Variants in TPD52L1 observed in about 807,000 individuals in gnomAD.
TPD52L1 encodes the protein tumor protein D53.
Under a neutral mutation model 28.7 loss-of-function variants are expected in TPD52L1, and 18 were observed. The observed-to-expected ratio is 0.63, with a 90% CI of 0.43 to 0.93. TPD52L1 has a LOEUF of 0.93. Ranked by LOEUF, TPD52L1 falls within the 40% of genes least tolerant of loss-of-function variation. TPD52L1 has a pLI of 0.00. For synonymous variants in TPD52L1, 75 were observed against 88.8 expected, an observed-to-expected ratio of 0.84 and a Z score of 0.88; for missense variants, 203 against 254.8, an observed-to-expected ratio of 0.80 and a Z score of 1.39.
intron 1 of TPD52L1, among the ~76,000 whole-genome samples, chr6:125,173,808 C>A (rs961602749): frequency 6.6e-6 from 1 of 152,104 alleles, no homozygotes; most frequent in Admixed American, 6.6e-5. Context: ...GATGCTGATA[C>A]TTCTCGTTTA....
intron 1 of TPD52L1, among the ~76,000 whole-genome samples, chr6:125,196,187 G>A (rs987562051): frequency 2.6e-4 from 40 of 152,232 alleles, no homozygotes; most frequent in African/African-American, 8.7e-4. Context: ...AAAGACTCAG[G>A]AAAACAAGGA....
intron 1 of TPD52L1, among the ~76,000 whole-genome samples, chr6:125,197,625 CAA>C (rs921560443): frequency 6.6e-6 from 1 of 151,898 alleles, no homozygotes; most frequent in African/African-American, 2.4e-5. Flanking sequence ...TTTTTTTAAG[CAA>C]AGTCTATTTT....
intron 1 of TPD52L1, among the ~76,000 whole-genome samples, chr6:125,181,794 T>A (rs1792212557): frequency 6.6e-6 from 1 of 152,208 alleles, no homozygotes; most frequent in Non-Finnish European, 1.5e-5. Context: ...TCTTTGGACA[T>A]ATTGTCTTCT....
At chr6:125,248,496 T>A (rs1797056423) in intron 4 of TPD52L1, 113 bp downstream of exon 4, 1 of 713,498 alleles carries the variant, frequency 1.4e-6, no homozygotes. Context: ...TTTTAATGGA[T>A]AAAAATGTTA....
chr6:125,171,351 C>G (rs1791287560), intron 1 of TPD52L1, among the ~76,000 whole-genome samples: 1 of 152,150 alleles, frequency 6.6e-6, no homozygotes, highest in African/African-American at 2.4e-5. Context: ...CCAGTGATTT[C>G]CAGCTTCTGT....
At chr6:125,239,529 A>G (rs1027781161) in intron 3 of TPD52L1, among the ~76,000 whole-genome samples, 2 of 152,174 alleles carry the variant, frequency 1.3e-5, no homozygotes, top group Admixed American at 6.6e-5. Flanking sequence ...CCACAAAAAT[A>G]GTATGTGGGA....
chr6:125,171,385 C>T (rs1018666256), intron 1 of TPD52L1, among the ~76,000 whole-genome samples: 1 of 152,110 alleles, frequency 6.6e-6, no homozygotes, highest in Admixed American at 6.6e-5. Context: ...GTATAATTTC[C>T]CTAGTTAGAG....
chr6:125,258,598 G>A (rs1393760516), intron 6 of TPD52L1, among the ~76,000 whole-genome samples: 1 of 152,144 alleles, frequency 6.6e-6, no homozygotes, highest in African/African-American at 2.4e-5. Context: ...AAGGAGATAT[G>A]AAGAAGCAAA....
At chr6:125,216,041 G>T (rs567698799) in intron 1 of TPD52L1, among the ~76,000 whole-genome samples, 5 of 152,256 alleles carry the variant, frequency 3.3e-5, no homozygotes, top group Admixed American at 3.3e-4. Flanking sequence ...TGCAGGGGTG[G>T]GGTGGAGCTT....
In TPD52L1 at chr6:125,229,096, C is replaced by T. The variant is rs752618944; in HGVS notation, c.136-22C>T. 3 of 1,606,206 alleles carry T rather than the reference C, an allele frequency of 1.9e-6. No individual in the cohort carries two copies. In the African/African-American group the frequency reaches 4.0e-5, roughly 22 times the overall value. On this transcript the variant is annotated intron_variant, in intron 2 of 6. Transcript: ENST00000534000. ...TTTGCTGGTCTGACATTTTCCCCCA[C>T]CATTTCCCCTCCGCCTTGTAGCTAG...
intron 2 of TPD52L1, among the ~76,000 whole-genome samples, chr6:125,227,812 G>A (rs1036107679): frequency 6.6e-6 from 1 of 152,166 alleles, no homozygotes; most frequent in African/African-American, 2.4e-5. Flanking sequence ...GTACTTTACA[G>A]AGCTCTTTTG....
chr6:125,216,328 G>A (rs968456472), intron 1 of TPD52L1, among the ~76,000 whole-genome samples: 2 of 151,854 alleles, frequency 1.3e-5, no homozygotes, highest in Admixed American at 6.6e-5. Flanking sequence ...TCATCGTGAA[G>A]CACCTAATGA....
rs1795139344 is a variant in TPD52L1 at position 125,220,127 on chromosome 6, CA to C, written c.70del (p.Ser24ValfsTer16). 2.5e-6 allele frequency: 4 copies of C among 1,613,822 alleles called. No individual in the cohort carries two copies. The East Asian group carries it at 8.9e-5, about 36-fold the overall frequency. ...LQGTDEDAVASADFSSMLSEE... is the reference protein window; with the variant it reads ...LQGTDEDAVAXADFSSMLSEE... Reference sequence around the variant, plus strand: ...AAGGAACAGACGAAGATGCAGTAGCCAGTGCTGACTTCTCTAGCATGCTCTC... The same window carrying C: ...AAGGAACAGACGAAGATGCAGTAGCCGTGCTGACTTCTCTAGCATGCTCTC... On this transcript the variant is annotated frameshift_variant, in exon 2 of 7. Transcript: ENST00000534000. LOFTEE classifies it high-confidence loss of function.
intron 1 of TPD52L1, among the ~76,000 whole-genome samples, chr6:125,170,707 C>T (rs997826973): frequency 1.3e-5 from 2 of 152,124 alleles, no homozygotes; most frequent in Non-Finnish European, 2.9e-5. Flanking sequence ...ATCCATGAAA[C>T]TGGCAGGCCA....
At chr6:125,215,441 A>G (rs1794797081) in intron 1 of TPD52L1, among the ~76,000 whole-genome samples, 2 of 152,218 alleles carry the variant, frequency 1.3e-5, no homozygotes, top group Admixed American at 1.3e-4. Context: ...CACCCTGTGT[A>G]TAACTCAGAG....
intron 5 of TPD52L1, among the ~76,000 whole-genome samples, chr6:125,255,722 T>C (rs1291113003): frequency 6.7e-6 from 1 of 150,216 alleles, no homozygotes; most frequent in Non-Finnish European, 1.5e-5. Flanking sequence ...TTCTAGGCCA[T>C]TCCTCTTATT....
chr6:125,244,932 C>T (rs1436466821), intron 3 of TPD52L1, among the ~76,000 whole-genome samples: 7 of 152,158 alleles, frequency 4.6e-5, no homozygotes, highest in Admixed American at 3.9e-4. Context: ...ATGTAGTGCT[C>T]GCCCCCTTCC....
intron 6 of TPD52L1, chr6:125,260,174 A>AGAG (rs1797828134): frequency 6.6e-6 from 1 of 152,232 alleles, no homozygotes; most frequent in Non-Finnish European, 1.5e-5. Flanking sequence ...GGAAGAAAAA[A>AGAG]GAGGAGAGAG....
At chr6:125,167,150 A>G (rs1055647705) in intron 1 of TPD52L1, among the ~76,000 whole-genome samples, 4 of 152,182 alleles carry the variant, frequency 2.6e-5, no homozygotes, top group South Asian at 2.1e-4. Context: ...CTGTAGTCCC[A>G]CTACTCAAGA....
Sources: gnomAD v4.1 joint callset for allele counts (sites outside exome capture counted in the v4.1 genomes callset) on GRCh38, gnomAD v4.1.1 for gene constraint, MANE v1.5 for transcripts, NCBI Gene and HGNC (gene_info 2026-07-23, HGNC 2026-07-21) for gene names.